The following MRC2 variants were observed in gnomAD, a reference collection of about 807,000 sequenced individuals.
MRC2 encodes the protein mannose receptor C-type 2.
MRC2 carries 84 observed loss-of-function variants against 206.2 expected under a neutral mutation model. The ratio of observed to expected loss-of-function variants is 0.41; its 90% CI spans 0.34 to 0.49. The LOEUF is 0.49. Among genes scored for constraint, MRC2 ranks in the 20% least tolerant of loss-of-function variants. The pLI is 0.31. For missense variants in MRC2, 1,676 were observed against 2,001.5 expected (o/e 0.84, Z 3.10); for synonymous variants, 798 against 800.0 (o/e 1.00, Z 0.04).
intron 6 of MRC2, among the ~76,000 whole-genome samples, chr17:62,670,663 A>G (rs1363983514): frequency 6.6e-6 from 1 of 152,224 alleles, no homozygotes; most frequent in African/African-American, 2.4e-5. Flanking sequence ...AAATCGGGGC[A>G]AGGGAGGGCC....
rs2088958275 is a variant in MRC2 at position 62,680,948 on chromosome 17, C to T, written c.2622C>T (p.His874=). 5.1e-5 allele frequency: 82 copies of T among 1,612,962 alleles called. No homozygotes were observed. The highest frequency in any genetic ancestry group is 6.6e-5 in the Non-Finnish European group (78 of 1,179,782). ...AGGCGGAGCTAGACTTCCTGAGCCA[C>T]AACTTGCAGAAGGTGGGCATTGGAT... The part of the protein sequence containing the change: ...HSQAELDFLS[H]NLQKFSRAQE... The change falls in exon 17 of 30, where the codon CAC becomes CAT. Residue 874 remains histidine (H), a synonymous_variant. Coordinates refer to ENST00000303375, the MANE Select transcript of MRC2 (RefSeq NM_006039.5). This position sits in a 1 kb window ranked among gnomAD's most constrained non-coding sequence, Gnocchi z 4.8.
Position 62,677,289 on chromosome 17 carries a change from G to A in MRC2, c.1855G>A (p.Val619Met), listed in dbSNP as rs1043662825. The A allele has an allele frequency of 6.2e-6, 10 of 1,603,888 alleles. No individual in the cohort carries two copies. Among genetic ancestry groups the A allele is most frequent in the East Asian group, 2.2e-5 (1 of 44,518 alleles). Residue 619 changes from valine (V) to methionine (M), a missense_variant, in exon 12 of 30, where the codon GTG (valine) becomes ATG (methionine). Val to Met is a conservative substitution (Grantham distance 21). Around this residue, in one of 3 missense-constraint regions of MRC2, gnomAD observed 1,354 missense variants for 1,636.6 expected, o/e 0.83. Coordinates refer to ENST00000303375, the MANE Select transcript of MRC2 (RefSeq NM_006039.5). ...TTCAGGGTACAGCCGTGGGGGCTGC[G>A]TGGCGCTGGCCACTGGCAGCGCCAT... ...DQPGYSRGGC[V>M]ALATGSAMGL...
At chr17:62,649,058 C>G (rs1176081099) in intron 1 of MRC2, among the ~76,000 whole-genome samples, 2 of 152,214 alleles carry the variant, frequency 1.3e-5, no homozygotes, top group African/African-American at 4.8e-5. Flanking sequence ...CAAATCGAGG[C>G]TTGCGGAAGT....
chr17:62,684,858 C>T (rs1032748056), intron 20 of MRC2, among the ~76,000 whole-genome samples: 8 of 152,222 alleles, frequency 5.3e-5, no homozygotes, highest in East Asian at 3.9e-4. Context: ...GAACATTACA[C>T]GGCCAGGCGC....
At chr17:62,636,720 C>T in intron 1 of MRC2, among the ~76,000 whole-genome samples, 1 of 152,110 alleles carries the variant, frequency 6.6e-6, no homozygotes, top group African/African-American at 2.4e-5. Context: ...GATCCGCCCG[C>T]CTCAGCCTCC....
chr17:62,669,120 ACACAC>A (rs1327547140), intron 6 of MRC2, among the ~76,000 whole-genome samples: 2 of 148,668 alleles, frequency 1.3e-5, no homozygotes, highest in African/African-American at 2.6e-5. Context: ...ACACACACAC[ACACAC>A]AACACTAACT....
intron 20 of MRC2, among the ~76,000 whole-genome samples, chr17:62,687,213 T>C (rs1258402537): frequency 1.3e-5 from 2 of 151,944 alleles, no homozygotes; most frequent in Non-Finnish European, 2.9e-5. Flanking sequence ...CAGGCTGGAG[T>C]GTAATGGCGT....
chr17:62,640,808 C>G (rs2088392797), intron 1 of MRC2, among the ~76,000 whole-genome samples: 1 of 151,954 alleles, frequency 6.6e-6, no homozygotes, highest in African/African-American at 2.4e-5. Context: ...CCTCAGCCTC[C>G]TGAGTAGCTG....
chr17:62,688,191 C>G, intron 20 of MRC2, 98 bp from the exon 21 acceptor site: 1 of 996,612 alleles, frequency 1.0e-6, no homozygotes, highest in South Asian at 1.5e-5. Context: ...CCCTCAAAGG[C>G]CCCCCAGGAC....
intron 1 of MRC2, among the ~76,000 whole-genome samples, chr17:62,632,456 A>G (rs1011912805): frequency 1.3e-5 from 2 of 152,110 alleles, no homozygotes; most frequent in African/African-American, 2.4e-5. Flanking sequence ...CTGACTGTGC[A>G]TTCTGCCCTC....
At chr17:62,632,322 CT>C (rs1417223032) in intron 1 of MRC2, among the ~76,000 whole-genome samples, 5 of 152,108 alleles carry the variant, frequency 3.3e-5, no homozygotes, top group Admixed American at 2.6e-4. Context: ...GCACTTCCCC[CT>C]GGCCCCTCGT....
At chr17:62,648,149 A>G (rs1456856272) in intron 1 of MRC2, among the ~76,000 whole-genome samples, 1 of 152,226 alleles carries the variant, frequency 6.6e-6, no homozygotes, top group African/African-American at 2.4e-5. Context: ...CACGCCTGCT[A>G]TCCCAGCACT....
At chr17:62,682,539 C>T (rs2088981668) in intron 20 of MRC2, among the ~76,000 whole-genome samples, 162 bp downstream of exon 20, 1 of 152,202 alleles carries the variant, frequency 6.6e-6, no homozygotes, top group African/African-American at 2.4e-5. Flanking sequence ...CAGGGCCAGA[C>T]TCCTTGGAAA....
intron 1 of MRC2, among the ~76,000 whole-genome samples, chr17:62,651,259 CT>C (rs910997143): frequency 1.3e-5 from 2 of 151,950 alleles, no homozygotes; most frequent in Non-Finnish European, 2.9e-5. Flanking sequence ...AATTTTTGTA[CT>C]TTTAGTAGAG....
At position 62,677,585 on chromosome 17, in the gene MRC2, C is replaced by T; in HGVS notation, c.2052+99C>T. On this transcript the variant is annotated intron_variant, in intron 12 of 29. Transcript: ENST00000303375. The stretch of plus-strand genomic sequence containing the variant: ...AGTGGGACCAGCCACAATCCAGAGA[C>T]ACACCAGGCTGCAGACGGGTGATTT... The T allele has an allele frequency of 2.7e-6, 3 of 1,091,076 alleles. No homozygotes were observed. The South Asian group carries it at 4.9e-5, about 18-fold the overall frequency. The allele number at this position is 1,091,076 out of a possible 1,614,324, so 67.6% of individuals were successfully genotyped here. A position where few individuals can be genotyped will look rare whatever the true frequency, so the allele number is the denominator to read the frequency against.
intron 1 of MRC2, among the ~76,000 whole-genome samples, chr17:62,641,301 C>A (rs2088399849): frequency 6.8e-6 from 1 of 146,838 alleles, no homozygotes; most frequent in Non-Finnish European, 1.5e-5. Context: ...GGCCAACAGA[C>A]CGAGACTGTC....
chr17:62,671,299 G>C lies in MRC2; in HGVS notation c.1118-350G>C, dbSNP rs188950141. Among the ~76,000 whole-genome samples the C allele has an allele frequency of 6.6e-6, 1 of 152,064 alleles. No homozygotes were observed. The highest frequency in any genetic ancestry group is 1.5e-5 in the Non-Finnish European group (1 of 67,984). On this transcript the variant is annotated intron_variant, in intron 6 of 29. Transcript: ENST00000303375. This position sits in a 1 kb window ranked among gnomAD's most constrained non-coding sequence, Gnocchi z 4.5. ...TTGCCCAGTCTGTTCTTGAACTACTGGGCTCAAGCAATCCTCCAGCCTTAG... is the reference window on the plus strand; with the variant it reads ...TTGCCCAGTCTGTTCTTGAACTACTCGGCTCAAGCAATCCTCCAGCCTTAG...
intron 1 of MRC2, among the ~76,000 whole-genome samples, chr17:62,662,745 A>T (rs924327052): frequency 6.6e-6 from 1 of 152,032 alleles, no homozygotes; most frequent in Non-Finnish European, 1.5e-5. Flanking sequence ...TCTCATCTCT[A>T]CTAAAAATAC....
At chr17:62,641,744 T>TG (rs950704303) in intron 1 of MRC2, among the ~76,000 whole-genome samples, 16 of 152,216 alleles carry the variant, frequency 1.1e-4, no homozygotes, top group African/African-American at 3.1e-4. Context: ...TAATGTTGAA[T>TG]GGGGGAAAAG....
Sources: allele counts gnomAD v4.1 joint callset (sites outside exome capture counted in the v4.1 genomes callset), GRCh38; gene constraint gnomAD v4.1.1; regional missense constraint gnomAD v4.1.1; non-coding constraint Gnocchi (gnomAD v3.1); transcripts MANE v1.5; gene names NCBI Gene and HGNC (gene_info 2026-07-23, HGNC 2026-07-21).